Variants in THEMIS observed in about 807,000 individuals in gnomAD.
THEMIS encodes protein THEMIS.
In THEMIS, 37 loss-of-function variants were observed where a neutral mutation model predicts 52.6. That is an observed-to-expected ratio of 0.70 (90% CI 0.54 to 0.93). THEMIS has a LOEUF of 0.93. THEMIS is among the 40% of genes least tolerant of loss of function. The probability of loss-of-function intolerance (pLI) is 0.00; values close to 1 mark genes in which losing one functional copy is unlikely to be tolerated. For missense variants in THEMIS, 808 were observed against 763.1 expected, an observed-to-expected ratio of 1.06 and a Z score of -0.69; for synonymous variants, 292 against 272.7, an observed-to-expected ratio of 1.07 and a Z score of -0.70.
Position 127,829,846 on chromosome 6 carries a change from C to A in THEMIS, c.339G>T (p.Gly113=). 6.2e-7 allele frequency: 1 copy of A among 1,614,000 alleles called. No homozygotes were observed. Among genetic ancestry groups the A allele is most frequent in the Non-Finnish European group, 8.5e-7 (1 of 1,179,970 alleles). The part of the protein sequence containing the change: ...RTIHIGPSRL[G]HPCFYHQKDI... ...CCTTCTGATGATAGAAGCAAGGATGCCCTAGTCTACTTGGTCCAATATGAA... is the reference window on the plus strand; with the variant it reads ...CCTTCTGATGATAGAAGCAAGGATGACCTAGTCTACTTGGTCCAATATGAA... The change falls in exon 3 of 6, where the codon GGG becomes GGT. Residue 113 remains glycine (G), a synonymous_variant. Transcript: ENST00000368248.
intron 4 of THEMIS, among the ~76,000 whole-genome samples, chr6:127,756,503 T>C (rs971380072): frequency 1.3e-5 from 2 of 152,208 alleles, no homozygotes; most frequent in African/African-American, 4.8e-5. Context: ...GAAACCATTT[T>C]GGTACTTTGA....
intron 1 of THEMIS, among the ~76,000 whole-genome samples, chr6:127,870,765 G>A (rs1243644604): frequency 6.6e-6 from 1 of 152,142 alleles, no homozygotes; most frequent in Non-Finnish European, 1.5e-5. Flanking sequence ...AATGATAAAA[G>A]TGTCAATCTA....
intron 4 of THEMIS, among the ~76,000 whole-genome samples, chr6:127,765,898 T>C (rs1051374565): frequency 6.6e-6 from 1 of 152,170 alleles, no homozygotes; most frequent in African/African-American, 2.4e-5. Flanking sequence ...TCATAGTCAA[T>C]AATCGGTGCA....
rs527274131 is a variant in THEMIS at position 127,778,570 on chromosome 6, C to T, written c.1758+34313G>A. On this transcript the variant is annotated intron_variant, in intron 4 of 5. Coordinates refer to ENST00000368248, the MANE Select transcript of THEMIS (RefSeq NM_001010923.3). ...TTATTGGATAAATTTGAAAATTTCT[C>T]ATGTTTAACTCTTTTAGATTTGCCA... is the stretch of plus-strand genomic sequence containing the variant. Among the ~76,000 whole-genome samples the T allele has an allele frequency of 1.7e-3, 255 of 152,162 alleles. 1 individual carries two copies. Among genetic ancestry groups the T allele is most frequent in the African/African-American group, 6.0e-3 (251 of 41,546 alleles).
At chr6:127,899,657 T>C (rs1007930774) in intron 1 of THEMIS, among the ~76,000 whole-genome samples, 1 of 151,682 alleles carries the variant, frequency 6.6e-6, no homozygotes, top group African/African-American at 2.4e-5. Context: ...AAAAACAACA[T>C]AGGAAAATAT....
chr6:127,754,080 A>G (rs1012309043), intron 4 of THEMIS, among the ~76,000 whole-genome samples: 4 of 152,160 alleles, frequency 2.6e-5, no homozygotes, highest in South Asian at 2.1e-4. Context: ...TTACATGTCA[A>G]TCATACCTCA....
At chr6:127,860,457 T>C (rs1779758788) in intron 1 of THEMIS, among the ~76,000 whole-genome samples, 1 of 152,106 alleles carries the variant, frequency 6.6e-6, no homozygotes, top group Non-Finnish European at 1.5e-5. Flanking sequence ...AGAAAAGTTA[T>C]GGCTGTGCTA....
intron 3 of THEMIS, among the ~76,000 whole-genome samples, chr6:127,828,985 A>C (rs1778601853): frequency 6.6e-6 from 1 of 152,176 alleles, no homozygotes; most frequent in Non-Finnish European, 1.5e-5. Flanking sequence ...CTTAAGACAG[A>C]GGGGCTCTGG....
chr6:127,867,269 C>T (rs1780012113), intron 1 of THEMIS, among the ~76,000 whole-genome samples: 1 of 152,034 alleles, frequency 6.6e-6, no homozygotes, highest in Non-Finnish European at 1.5e-5. Context: ...AACTCATCCC[C>T]ACCAAAGAAA....
At chr6:127,861,785 A>G (rs1209170867) in intron 1 of THEMIS, among the ~76,000 whole-genome samples, 1 of 104,356 alleles carries the variant, frequency 9.6e-6, no homozygotes, top group Non-Finnish European at 2.0e-5. Flanking sequence ...CTCCATCTCA[A>G]AAAAAAAAAA....
At chr6:127,737,080 G>A (rs1183126922) in intron 4 of THEMIS, among the ~76,000 whole-genome samples, 1 of 152,128 alleles carries the variant, frequency 6.6e-6, no homozygotes. Flanking sequence ...CCAGGAGACT[G>A]TGACTTGTGT....
intron 4 of THEMIS, among the ~76,000 whole-genome samples, chr6:127,780,403 T>C (rs1776704418): frequency 6.6e-6 from 1 of 152,206 alleles, no homozygotes; most frequent in African/African-American, 2.4e-5. Flanking sequence ...ATATTTAAGG[T>C]TAATATTGTT....
At chr6:127,855,001 A>G (rs1779568924) in intron 2 of THEMIS, 29 bp downstream of exon 2, 1 of 1,565,042 alleles carries the variant, frequency 6.4e-7, no homozygotes, top group South Asian at 1.2e-5. Flanking sequence ...ATAGTTGTAC[A>G]AATGATAAGT....
At chr6:127,890,991 C>T (rs187436665) in intron 1 of THEMIS, among the ~76,000 whole-genome samples, 96 of 152,172 alleles carry the variant, frequency 6.3e-4, no homozygotes, top group African/African-American at 2.2e-3. Context: ...CAACCACAAG[C>T]ATCCTCTGTG....
chr6:127,850,383 T>A (rs1011275675), intron 2 of THEMIS, among the ~76,000 whole-genome samples: 1 of 151,862 alleles, frequency 6.6e-6, no homozygotes, highest in South Asian at 2.1e-4. Context: ...ATTCCATTAC[T>A]GCATATCTAC....
intron 3 of THEMIS, among the ~76,000 whole-genome samples, chr6:127,820,998 C>A (rs1377262077): frequency 6.6e-6 from 1 of 151,836 alleles, no homozygotes; most frequent in East Asian, 1.9e-4. Flanking sequence ...GACACCAACA[C>A]TTATAGTGTT....
intron 1 of THEMIS, among the ~76,000 whole-genome samples, chr6:127,894,007 G>T (rs1388176322): frequency 1.3e-5 from 2 of 151,850 alleles, no homozygotes; most frequent in African/African-American, 4.8e-5. Flanking sequence ...ACAGTAAAAA[G>T]ATGTAACTCT....
At chr6:127,907,074 A>T (rs1781289460) in intron 1 of THEMIS, among the ~76,000 whole-genome samples, 1 of 152,014 alleles carries the variant, frequency 6.6e-6, no homozygotes, top group African/African-American at 2.4e-5. Context: ...ATCTCCAAGT[A>T]GATAGTATCG....
chr6:127,717,034 A>G (rs1187905987), intron 5 of THEMIS, among the ~76,000 whole-genome samples: 1 of 151,970 alleles, frequency 6.6e-6, no homozygotes, highest in Admixed American at 6.6e-5. Context: ...AAAGATCCAT[A>G]ACATCAAGTC....
Sources: allele counts gnomAD v4.1 joint callset (sites outside exome capture counted in the v4.1 genomes callset), GRCh38; gene constraint gnomAD v4.1.1; transcripts MANE v1.5; gene names NCBI Gene and HGNC (gene_info 2026-07-23, HGNC 2026-07-21).